NFIB: variants seen among roughly 807,000 people sequenced by gnomAD.
NFIB encodes the protein nuclear factor I B, also known as nuclear factor 1 B-type.
A neutral mutation model predicts 61.5 loss-of-function variants in NFIB; 11 were observed. The ratio of observed to expected loss-of-function variants is 0.18; its 90% confidence interval spans 0.11 to 0.30. NFIB has a LOEUF of 0.30. Ranked by LOEUF, NFIB falls within the 10% of genes least tolerant of loss-of-function variation. NFIB has a pLI of 1.00. For synonymous variants in NFIB, 260 were observed against 216.5 expected, an observed-to-expected ratio of 1.20 and a Z score of -1.76; for missense variants, 471 against 608.9, an observed-to-expected ratio of 0.77 and a Z score of 2.38.
chr9:14,257,302 C>T (rs1316510556), intron 2 of NFIB, among the ~76,000 whole-genome samples: 1 of 152,192 alleles, frequency 6.6e-6, no homozygotes, highest in Non-Finnish European at 1.5e-5. Flanking sequence ...ATTACAGCTA[C>T]TGCACAGCTG....
chr9:14,243,393 C>T (rs2054548465), intron 2 of NFIB, among the ~76,000 whole-genome samples: 1 of 152,154 alleles, frequency 6.6e-6, no homozygotes, highest in South Asian at 2.1e-4. Flanking sequence ...CAAAACAAAT[C>T]TGGATAAGTA....
intron 3 of NFIB, among the ~76,000 whole-genome samples, chr9:14,168,516 T>C (rs1040808155): frequency 3.9e-5 from 6 of 152,188 alleles, no homozygotes; most frequent in African/African-American, 1.4e-4. Flanking sequence ...GCATAGTCCA[T>C]GTGTGCAACG....
chr9:14,264,643 C>T (rs1369705391), intron 2 of NFIB, among the ~76,000 whole-genome samples: 3 of 152,128 alleles, frequency 2.0e-5, no homozygotes, highest in African/African-American at 4.8e-5. Flanking sequence ...CTATATGTCC[C>T]CTACAATATT....
chr9:14,360,670 G>T (rs1260131651), intron 1 of NFIB, among the ~76,000 whole-genome samples: 1 of 151,566 alleles, frequency 6.6e-6, no homozygotes, highest in Non-Finnish European at 1.5e-5. Flanking sequence ...TCAGCCTTCT[G>T]AGCAGCTGGG....
upstream of NFIB, among the ~76,000 whole-genome samples, chr9:14,318,948 T>C (rs538004128): frequency 5.3e-5 from 8 of 152,158 alleles, no homozygotes; most frequent in South Asian, 1.7e-3. Context: ...AAAAACAAAA[T>C]CATACCCAGC....
chr9:14,513,774 CACTT>C, the NFIB span, among the ~76,000 whole-genome samples: 5 of 152,036 alleles, frequency 3.3e-5, no homozygotes, highest in Non-Finnish European at 7.4e-5. Flanking sequence ...CCAGTTCCAT[CACTT>C]ACTCTCTTTG....
chr9:14,232,001 G>C (rs978679035), intron 2 of NFIB, among the ~76,000 whole-genome samples: 1 of 152,156 alleles, frequency 6.6e-6, no homozygotes, highest in East Asian at 1.9e-4. Flanking sequence ...CAAGGTCTTC[G>C]CCAACAACAC....
chr9:14,321,573 T>C (rs1158853024), intron 1 of NFIB, among the ~76,000 whole-genome samples: 1 of 152,122 alleles, frequency 6.6e-6, no homozygotes, highest in Non-Finnish European at 1.5e-5. Flanking sequence ...AGAACTAAAG[T>C]ATCATTTGAA....
At chr9:14,106,401 G>GT (rs1348149690) in intron 10 of NFIB, among the ~76,000 whole-genome samples, 2 of 152,054 alleles carry the variant, frequency 1.3e-5, no homozygotes, top group African/African-American at 4.8e-5. Context: ...AACTAAGAAA[G>GT]TAAGATTATC....
intron 3 of NFIB, among the ~76,000 whole-genome samples, chr9:14,161,671 T>C (rs10810098): frequency 0.56 from 85,634 of 151,946 alleles, 27,669 homozygotes; most frequent in Non-Finnish European, 0.72. Flanking sequence ...AACCATTCCA[T>C]TGTTTGGCAT....
At chr9:14,239,207 G>T (rs1416759508) in intron 2 of NFIB, among the ~76,000 whole-genome samples, 1 of 152,182 alleles carries the variant, frequency 6.6e-6, no homozygotes, top group Non-Finnish European at 1.5e-5. Flanking sequence ...ATGTTACACA[G>T]GAGAACAGTA....
chr9:14,531,734 A>G, the NFIB span, among the ~76,000 whole-genome samples: 1 of 152,080 alleles, frequency 6.6e-6, no homozygotes, highest in African/African-American at 2.4e-5. Context: ...CTTTTTAAAA[A>G]GAAGGCCTAT....
At chr9:14,286,466 A>C (rs1387396536) in intron 2 of NFIB, among the ~76,000 whole-genome samples, 2 of 152,234 alleles carry the variant, frequency 1.3e-5, no homozygotes, top group Non-Finnish European at 2.9e-5. Context: ...ATTTTTTGTC[A>C]TACAGAGAAA....
At chr9:14,530,295 C>G in the NFIB span, among the ~76,000 whole-genome samples, 1 of 152,060 alleles carries the variant, frequency 6.6e-6, no homozygotes, top group Non-Finnish European at 1.5e-5. Context: ...TGTACACGCA[C>G]AGTACTAAAG....
chr9:14,455,047 T>C, the NFIB span, among the ~76,000 whole-genome samples: 1 of 151,982 alleles, frequency 6.6e-6, no homozygotes, highest in African/African-American at 2.4e-5. Flanking sequence ...TGATTGGGGG[T>C]TATTTGTTAC....
chr9:14,116,472 C>G, intron 8 of NFIB, 126 bp from the exon 9 acceptor site: 1 of 1,000,568 alleles, frequency 1.0e-6, no homozygotes. Flanking sequence ...CACAGGCCCT[C>G]TCGAGTCGGA....
chr9:14,125,552 T>A (rs2039535203), intron 7 of NFIB, 80 bp downstream of exon 7: 1 of 1,551,488 alleles, frequency 6.4e-7, no homozygotes, highest in African/African-American at 1.4e-5. Context: ...GCTCTATTTA[T>A]AAACTTTTGC....
chr9:14,424,524 C>G, the NFIB span, among the ~76,000 whole-genome samples: 1 of 152,158 alleles, frequency 6.6e-6, no homozygotes, highest in Non-Finnish European at 1.5e-5. Context: ...CGCGGGGCGA[C>G]CTGCAGAACG....
chr9:14,285,693 G>C (rs1041073517), intron 2 of NFIB, among the ~76,000 whole-genome samples: 9 of 152,140 alleles, frequency 5.9e-5, no homozygotes, highest in Admixed American at 2.6e-4. Context: ...AGGGAATAAA[G>C]GAGTCAAACA....
Sources: allele counts gnomAD v4.1 joint callset (sites outside exome capture counted in the v4.1 genomes callset), GRCh38; gene constraint gnomAD v4.1.1; transcripts MANE v1.5; gene names NCBI Gene and HGNC (gene_info 2026-07-23, HGNC 2026-07-21).